The following CUZD1 variants were observed in gnomAD, a reference collection of about 807,000 sequenced individuals.
CUZD1 encodes the protein CUB and zona pellucida like domains 1.
Under a neutral mutation model 53.1 loss-of-function variants are expected in CUZD1, and 42 were observed. The observed-to-expected ratio is 0.79, with a 90% CI of 0.62 to 1.02. The LOEUF (loss-of-function observed/expected upper bound fraction) is 1.02. CUZD1 is among the 50% of genes least tolerant of loss of function. The probability of loss-of-function intolerance (pLI) is 0.00; values close to 1 mark genes in which losing one functional copy is unlikely to be tolerated. For synonymous variants in CUZD1, 238 were observed against 257.2 expected, an observed-to-expected ratio of 0.93 and a Z score of 0.71; for missense variants, 670 against 715.7, an observed-to-expected ratio of 0.94 and a Z score of 0.73.
rs1847259177 is a variant in CUZD1, at chr10:122,836,826, C to G, written c.817+5G>C. ...AAATAGCTAAGAATATAAAACATGA[C>G]TTACTAGTGTTGATGTTTTCTGCAT... On this transcript the variant is annotated splice_donor_5th_base_variant and intron_variant, in intron 5 of 8. Transcript: ENST00000392790. The G allele has an allele frequency of 6.2e-7, 1 of 1,600,460 alleles. No homozygotes were observed. Among genetic ancestry groups the G allele is most frequent in the Non-Finnish European group, 8.6e-7 (1 of 1,167,906 alleles).
intron 3 of CUZD1, 49 bp downstream of exon 3, chr10:122,838,968 C>A: frequency 7.2e-7 from 1 of 1,392,976 alleles, no homozygotes; most frequent in Non-Finnish European, 1.0e-6. Flanking sequence ...GAGTGTGTAA[C>A]CTGTGCTTGT....
At position 122,840,824 on chromosome 10, in the gene CUZD1, T is replaced by C. The variant is rs565920380; in HGVS notation, c.233+354A>G. Among the ~76,000 whole-genome samples the C allele has an allele frequency of 3.3e-5, 5 of 152,240 alleles. No individual in the cohort carries two copies. In the South Asian group the frequency reaches 1.0e-3, roughly 32 times the overall value. On this transcript the variant is annotated intron_variant, in intron 2 of 8. Coordinates refer to ENST00000392790, the MANE Select transcript of CUZD1 (RefSeq NM_022034.6). The stretch of plus-strand genomic sequence containing the variant: ...CACTGATTCAAATGCATAGAAAAAT[T>C]TGGAACCAAAGTTTAGTGTTTTAAG...
intron 3 of CUZD1, chr10:122,838,033 T>C (rs947955787): frequency 2.7e-4 from 41 of 154,170 alleles, no homozygotes; most frequent in Non-Finnish European, 5.8e-5. Flanking sequence ...GTCATGCTAT[T>C]GTTCAAAGCT....
intron 4 of CUZD1, 25 bp from the exon 5 acceptor site, chr10:122,837,073 A>G (rs750006999): frequency 1.3e-6 from 2 of 1,500,876 alleles, no homozygotes; most frequent in East Asian, 4.6e-5. Context: ...CCTCTGGTGA[A>G]AAAGAGTTTC....
In CUZD1 at chr10:122,832,369, G is replaced by C; in HGVS notation, c.1733C>G (p.Ala578Gly). ...SVHLFSFMVL[A>G]LNVVTVATIT... ...TGTCGCTACAGTCACCACATTCAGA[G>C]CTAGAACCATGAAGGAAAACAGATG... The change falls in exon 9 of 9, where the codon GCT becomes GGT. Residue 578 changes from alanine to glycine, a missense_variant. Ala to Gly is a moderately conservative substitution (Grantham distance 60). Transcript: ENST00000392790. The C allele has an allele frequency of 6.2e-7, 1 of 1,614,122 alleles. No homozygotes were observed. The highest frequency in any genetic ancestry group is 8.5e-7 in the Non-Finnish European group (1 of 1,179,978).
intron 1 of CUZD1, among the ~76,000 whole-genome samples, chr10:122,842,518 TTA>T (rs1212586818): frequency 6.6e-6 from 1 of 152,202 alleles, no homozygotes; most frequent in African/African-American, 2.4e-5. Flanking sequence ...TTACTGTAGT[TTA>T]TGTTATTACT....
intron 1 of CUZD1, among the ~76,000 whole-genome samples, chr10:122,843,768 A>G (rs1263907445): frequency 1.3e-5 from 2 of 149,112 alleles, no homozygotes; most frequent in South Asian, 4.2e-4. Flanking sequence ...TGGAGAGTGA[A>G]TGGTAGTGAA....
intron 6 of CUZD1, 117 bp from the exon 7 acceptor site, chr10:122,835,214 C>T (rs1847230330): frequency 5.8e-6 from 4 of 686,774 alleles, no homozygotes; most frequent in Admixed American, 6.0e-5. Flanking sequence ...GAGGTAACAG[C>T]TTTCATGTCA....
At chr10:122,842,380 T>C (rs573708216) in intron 1 of CUZD1, among the ~76,000 whole-genome samples, 1 of 152,366 alleles carries the variant, frequency 6.6e-6, no homozygotes, top group East Asian at 1.9e-4. Context: ...AAGGCTGTCC[T>C]TTCTCCATTA....
chr10:122,836,377 A>C, intron 5 of CUZD1, 27 bp from the exon 6 acceptor site: 1 of 1,465,538 alleles, frequency 6.8e-7, no homozygotes, highest in East Asian at 2.4e-5. Flanking sequence ...AAAAAAAAGA[A>C]TGGTCATGTT....
chr10:122,836,920 AGAGAGTTTGAT>A lies in CUZD1; in HGVS notation c.717_727del (p.Ser240AspfsTer37). The A allele has an allele frequency of 3.7e-6, 6 of 1,614,156 alleles. No homozygotes were observed. The highest frequency in any genetic ancestry group is 1.7e-6 in the Non-Finnish European group (2 of 1,179,992). On this transcript the variant is annotated frameshift_variant, in exon 5 of 9. Coordinates refer to ENST00000392790, the MANE Select transcript of CUZD1 (RefSeq NM_022034.6). LOFTEE classifies it high-confidence loss of function. ...ATAATCTGTAGACAACACGACAGTCAGAGAGTTTGATGACGATTCGAAGGTGGGAGTCACAC... is the reference window on the plus strand; with the variant it reads ...ATAATCTGTAGACAACACGACAGTCAGACGATTCGAAGGTGGGAGTCACAC...
At chr10:122,841,154 T>G in intron 2 of CUZD1, 24 bp downstream of exon 2, 1 of 1,599,274 alleles carries the variant, frequency 6.3e-7, no homozygotes, top group Non-Finnish European at 8.5e-7. Context: ...TATCCCTTAT[T>G]AGGAAACTAA....
Position 122,841,408 on chromosome 10 carries a change from C to A in CUZD1, c.83-80G>T, listed in dbSNP as rs1271976233. ...TGAGAGATTAGGAATCTACCTCTCA[C>A]ATGTAATATACATACAAGTAGGCAG... On this transcript the variant is annotated intron_variant, in intron 1 of 8. Coordinates refer to ENST00000392790, the MANE Select transcript of CUZD1 (RefSeq NM_022034.6). 3.6e-6 allele frequency: 5 copies of A among 1,370,848 alleles called. No homozygotes were observed. In the Admixed American group the frequency reaches 1.2e-4, roughly 32 times the overall value. 84.9% of individuals were successfully genotyped at this position (1,370,848 alleles called of 1,614,324 possible). A position where few individuals can be genotyped will look rare whatever the true frequency, so the allele number is the denominator to read the frequency against.
At position 122,845,836 on chromosome 10, in the gene CUZD1, A is replaced by G; in HGVS notation, c.8T>C (p.Leu3Pro). 1 of 1,613,910 alleles carries G rather than the reference A, an allele frequency of 6.2e-7. No homozygotes were observed. Among genetic ancestry groups the G allele is most frequent in the Non-Finnish European group, 8.5e-7 (1 of 1,179,942 alleles). Residue 3 changes from leucine (L) to proline (P), a missense_variant, in exon 1 of 9, where the codon CTT (leucine) becomes CCT (proline). Leu to Pro is a moderately conservative substitution (Grantham distance 98). Coordinates refer to ENST00000392790, the MANE Select transcript of CUZD1 (RefSeq NM_022034.6). MELVRRLMPLTLL... is the reference protein window; with the variant it reads MEPVRRLMPLTLL... ...GGTCAATGGCATGAGCCTTCTTACA[A>G]GCTCCATTTTGGCAAGGCGCTGGGC...
At chr10:122,840,716 T>C (rs1362483711) in intron 2 of CUZD1, among the ~76,000 whole-genome samples, 1 of 152,156 alleles carries the variant, frequency 6.6e-6, no homozygotes, top group East Asian at 1.9e-4. Flanking sequence ...ATAAAAAATA[T>C]TGATGCCTGG....
intron 7 of CUZD1, among the ~76,000 whole-genome samples, chr10:122,834,340 G>A (rs578173275): frequency 2.8e-4 from 43 of 152,212 alleles, no homozygotes; most frequent in Non-Finnish European, 4.7e-4. Context: ...TACTGATGGC[G>A]TTATATTTTA....
At chr10:122,840,055 A>G (rs1449580503) in intron 2 of CUZD1, among the ~76,000 whole-genome samples, 1 of 152,168 alleles carries the variant, frequency 6.6e-6, no homozygotes, top group East Asian at 1.9e-4. Flanking sequence ...GTTAAATGTT[A>G]ATTTCTCGCC....
At chr10:122,834,234 C>T (rs1005241640) in intron 7 of CUZD1, among the ~76,000 whole-genome samples, 19 of 152,084 alleles carry the variant, frequency 1.2e-4, no homozygotes, top group Admixed American at 9.2e-4. Flanking sequence ...GTACGAATGA[C>T]GTAGTTAAAA....
chr10:122,840,318 C>T lies in CUZD1; in HGVS notation c.233+860G>A, dbSNP rs111283037. Among the ~76,000 whole-genome samples, 1,514 of 152,190 alleles carry T rather than the reference C, an allele frequency of 9.9e-3. 28 individuals are homozygous for T. Among genetic ancestry groups the T allele is most frequent in the East Asian group, 0.034 (176 of 5,172 alleles). ...TCCCACACACTCCATTTGAATAAGA[C>T]AATAGAGACTTTGGTGGTGGGGCCC... On this transcript the variant is annotated intron_variant, in intron 2 of 8. Coordinates refer to ENST00000392790, the MANE Select transcript of CUZD1 (RefSeq NM_022034.6).
Sources: allele counts gnomAD v4.1 joint callset (sites outside exome capture counted in the v4.1 genomes callset), GRCh38; gene constraint gnomAD v4.1.1; transcripts MANE v1.5; gene names NCBI Gene and HGNC (gene_info 2026-07-23, HGNC 2026-07-21).